Variants in VAV3 observed in about 807,000 individuals in gnomAD.
The protein encoded by VAV3 is guanine nucleotide exchange factor VAV3.
VAV3 carries 94 observed loss-of-function variants against 131.2 expected under a neutral mutation model. The observed-to-expected ratio is 0.72, with a 90% CI of 0.61 to 0.85. VAV3 has a LOEUF of 0.85. Ranked by LOEUF, VAV3 falls within the 40% of genes least tolerant of loss-of-function variation. The pLI is 0.00. For missense variants in VAV3, 939 were observed against 1,002.7 expected, an observed-to-expected ratio of 0.94 and a Z score of 0.86; for synonymous variants, 349 against 342.0, an observed-to-expected ratio of 1.02 and a Z score of -0.22.
At chr1:107,875,495 C>CTTT (rs1457729757) in intron 1 of VAV3, among the ~76,000 whole-genome samples, 1 of 151,990 alleles carries the variant, frequency 6.6e-6, no homozygotes, top group East Asian at 1.9e-4. Flanking sequence ...ACAGCCCAGA[C>CTTT]TAAAGAAGTG....
chr1:107,879,289 A>T lies in VAV3; in HGVS notation c.205-4272T>A, dbSNP rs536458953. On this transcript the variant is annotated intron_variant, in intron 1 of 26. Coordinates refer to ENST00000370056, the MANE Select transcript of VAV3 (RefSeq NM_006113.5). ...TGCTGCTCCTAGAATACAAGAGCCAATTACATGAGAAGAACAAATACCTCC... is the reference window on the plus strand; with the variant it reads ...TGCTGCTCCTAGAATACAAGAGCCATTTACATGAGAAGAACAAATACCTCC... Among the ~76,000 whole-genome samples, 4 of 152,326 alleles carry T rather than the reference A, an allele frequency of 2.6e-5. No homozygotes were observed. In the East Asian group the frequency reaches 7.7e-4, roughly 29 times the overall value.
chr1:107,688,074 C>T (rs937983045), intron 18 of VAV3, among the ~76,000 whole-genome samples: 2 of 152,154 alleles, frequency 1.3e-5, no homozygotes, highest in African/African-American at 2.4e-5. Flanking sequence ...ATGACGGGGA[C>T]GCATCTACCA....
chr1:107,853,129 T>C (rs1392409802), intron 2 of VAV3, among the ~76,000 whole-genome samples: 1 of 152,206 alleles, frequency 6.6e-6, no homozygotes, highest in East Asian at 1.9e-4. Flanking sequence ...TTTTTGAGCA[T>C]TCTTCTTTTG....
chr1:107,637,534 A>G (rs914317829), intron 20 of VAV3, among the ~76,000 whole-genome samples: 1 of 152,154 alleles, frequency 6.6e-6, no homozygotes, highest in African/African-American at 2.4e-5. Context: ...GAGGCACGGT[A>G]ATTGCTTGAA....
At chr1:107,660,436 G>A (rs923863524) in intron 19 of VAV3, among the ~76,000 whole-genome samples, 1 of 152,176 alleles carries the variant, frequency 6.6e-6, no homozygotes, top group South Asian at 2.1e-4. Context: ...TCATGTGGCA[G>A]CTCCTATAGA....
intron 15 of VAV3, among the ~76,000 whole-genome samples, chr1:107,744,583 T>A (rs984047855): frequency 6.6e-6 from 1 of 152,186 alleles, no homozygotes; most frequent in Non-Finnish European, 1.5e-5. Context: ...CTAACTTTTC[T>A]TTTTTTAAAA....
At chr1:107,643,488 C>T (rs1226886940) in intron 19 of VAV3, among the ~76,000 whole-genome samples, 1 of 152,152 alleles carries the variant, frequency 6.6e-6, no homozygotes, top group African/African-American at 2.4e-5. Context: ...TGCAGCAATA[C>T]TGGTCACAAT....
rs986280649 is a variant in VAV3, at chr1:107,867,824, G to A, written c.321+7077C>T. ...AAAAATACTCAGGATCCCAAATGCCGCTCTGAGACTGGAAGTTGGTACCCT... is the reference window on the plus strand; with the variant it reads ...AAAAATACTCAGGATCCCAAATGCCACTCTGAGACTGGAAGTTGGTACCCT... On this transcript the variant is annotated intron_variant, in intron 2 of 26. Coordinates refer to ENST00000370056, the MANE Select transcript of VAV3 (RefSeq NM_006113.5). 3.9e-5 allele frequency among the ~76,000 whole-genome samples: 6 copies of A among 152,134 alleles called. No individual in the cohort carries two copies. In the South Asian group the frequency reaches 6.2e-4, roughly 16 times the overall value.
At chr1:107,801,649 C>A (rs1194636222) in intron 2 of VAV3, among the ~76,000 whole-genome samples, 1 of 152,102 alleles carries the variant, frequency 6.6e-6, no homozygotes, top group Non-Finnish European at 1.5e-5. Context: ...AACCTGTAAC[C>A]AATCCAGCTG....
chr1:107,754,601 TA>T (rs1314354578), intron 12 of VAV3, among the ~76,000 whole-genome samples: 1 of 152,060 alleles, frequency 6.6e-6, no homozygotes, highest in Non-Finnish European at 1.5e-5. Flanking sequence ...AACCTTTTAA[TA>T]GCTTCCCACT....
chr1:107,886,879 G>T (rs575254034), intron 1 of VAV3, among the ~76,000 whole-genome samples: 5 of 151,760 alleles, frequency 3.3e-5, no homozygotes, highest in African/African-American at 1.2e-4. Flanking sequence ...TTTGCCATGG[G>T]AAAGAAAAAC....
intron 15 of VAV3, among the ~76,000 whole-genome samples, chr1:107,721,964 T>C (rs976312553): frequency 2.0e-5 from 3 of 152,188 alleles, no homozygotes; most frequent in Non-Finnish European, 2.9e-5. Flanking sequence ...CTTTTAAATA[T>C]CTTCTTGGCA....
In VAV3 at chr1:107,760,902, C is replaced by A. The variant is rs376448032; in HGVS notation, c.922-23G>T. On this transcript the variant is annotated intron_variant, in intron 9 of 26. Transcript: ENST00000370056. ...TTCCTAATGAAATGTTTTAAAAACA[C>A]TTTGTTAGGGAGTCATAAACATTAA... 1.9e-6 allele frequency: 3 copies of A among 1,568,928 alleles called. No homozygotes were observed. The African/African-American group carries it at 4.1e-5, about 21-fold the overall frequency.
At chr1:107,674,477 T>G (rs1383049209) in intron 19 of VAV3, among the ~76,000 whole-genome samples, 1 of 152,210 alleles carries the variant, frequency 6.6e-6, no homozygotes, top group African/African-American at 2.4e-5. Context: ...TAATGAACTC[T>G]GAAAATCAGA....
At chr1:107,664,862 T>TA (rs1402384086) in intron 19 of VAV3, among the ~76,000 whole-genome samples, 1 of 152,098 alleles carries the variant, frequency 6.6e-6, no homozygotes, top group African/African-American at 2.4e-5. Context: ...GATATAGAAG[T>TA]AGAGTAAATA....
chr1:107,746,887 T>A (rs1274108834), intron 15 of VAV3, among the ~76,000 whole-genome samples: 2 of 152,026 alleles, frequency 1.3e-5, no homozygotes, highest in African/African-American at 2.4e-5. Context: ...AATCTCTTTT[T>A]TTTTTTTTTC....
chr1:107,582,107 G>T (rs1042933500), intron 25 of VAV3, among the ~76,000 whole-genome samples: 1 of 152,154 alleles, frequency 6.6e-6, no homozygotes, highest in Non-Finnish European at 1.5e-5. Flanking sequence ...TGCGTTTGCT[G>T]CCCAGCAGTG....
At chr1:107,794,856 G>A (rs1666462870) in intron 2 of VAV3, among the ~76,000 whole-genome samples, 1 of 152,210 alleles carries the variant, frequency 6.6e-6, no homozygotes, top group Non-Finnish European at 1.5e-5. Flanking sequence ...CTCAAAGGAT[G>A]TAGATAAGTA....
At chr1:107,961,806 A>G (rs1443358074) in intron 1 of VAV3, among the ~76,000 whole-genome samples, 1 of 152,262 alleles carries the variant, frequency 6.6e-6, no homozygotes, top group East Asian at 1.9e-4. Context: ...TTGAAAGATA[A>G]TCAACTAACT....
Sources: gnomAD v4.1 joint callset for allele counts (sites outside exome capture counted in the v4.1 genomes callset) on GRCh38, gnomAD v4.1.1 for gene constraint, MANE v1.5 for transcripts, NCBI Gene and HGNC (gene_info 2026-07-23, HGNC 2026-07-21) for gene names.